PGBD5: variants seen among roughly 807,000 people sequenced by gnomAD.
The protein encoded by PGBD5 is piggyBac transposable element-derived protein 5.
In PGBD5, 14 loss-of-function variants were observed where a neutral mutation model predicts 47.9. The observed-to-expected ratio is 0.29, with a 90% confidence interval of 0.19 to 0.46. The LOEUF is 0.46. Ranked by LOEUF, PGBD5 falls within the 20% of genes least tolerant of loss-of-function variation. PGBD5 has a pLI of 1.00. For synonymous variants in PGBD5, 316 were observed against 306.3 expected, an observed-to-expected ratio of 1.03 and a Z score of -0.33; for missense variants, 635 against 716.0, an observed-to-expected ratio of 0.89 and a Z score of 1.29.
intron 6 of PGBD5, among the ~76,000 whole-genome samples, chr1:230,324,277 C>T (rs1307253736): frequency 6.6e-6 from 1 of 152,194 alleles, no homozygotes; most frequent in Non-Finnish European, 1.5e-5. Context: ...CTGAAATGCC[C>T]AGCACAGAGC....
intron 3 of PGBD5, among the ~76,000 whole-genome samples, chr1:230,344,713 C>T (rs980336598): frequency 3.3e-5 from 5 of 152,138 alleles, no homozygotes; most frequent in African/African-American, 4.8e-5. Context: ...GTAGGAAGCA[C>T]GGGTTCTTTT....
intron 1 of PGBD5, among the ~76,000 whole-genome samples, chr1:230,360,283 T>G (rs1232835653): frequency 6.6e-6 from 1 of 152,192 alleles, no homozygotes; most frequent in East Asian, 1.9e-4. Flanking sequence ...TGGTTTTGAT[T>G]TACAAGCATT....
chr1:230,420,895 G>A (rs952847503), intron 1 of PGBD5, among the ~76,000 whole-genome samples: 2 of 152,124 alleles, frequency 1.3e-5, no homozygotes, highest in African/African-American at 2.4e-5. Flanking sequence ...AAACAAAGGC[G>A]TGAGCAAGGT....
chr1:230,423,534 A>G (rs1657705666), intron 1 of PGBD5, among the ~76,000 whole-genome samples: 1 of 152,210 alleles, frequency 6.6e-6, no homozygotes, highest in Admixed American at 6.5e-5. Flanking sequence ...AGGCGCAAGG[A>G]TTTTCTCTGA....
At chr1:230,375,362 AG>A (rs1468219791) in intron 1 of PGBD5, among the ~76,000 whole-genome samples, 2 of 152,144 alleles carry the variant, frequency 1.3e-5, no homozygotes, top group Non-Finnish European at 2.9e-5. Flanking sequence ...CCCTGATTAG[AG>A]GGGAGTTTAT....
intron 1 of PGBD5, among the ~76,000 whole-genome samples, chr1:230,420,128 A>AAAAC (rs1447057494): frequency 6.6e-6 from 1 of 152,212 alleles, no homozygotes; most frequent in Admixed American, 6.5e-5. Context: ...CTCCACCTCA[A>AAAAC]AAACAAACAA....
chr1:230,326,594 G>A (rs989795413), intron 5 of PGBD5, among the ~76,000 whole-genome samples: 1 of 152,070 alleles, frequency 6.6e-6, no homozygotes, highest in East Asian at 1.9e-4. Context: ...AAGGAGCTGG[G>A]ATCACAGGTA....
intron 1 of PGBD5, among the ~76,000 whole-genome samples, chr1:230,374,665 G>GA (rs1297805542): frequency 2.0e-5 from 3 of 152,094 alleles, no homozygotes; most frequent in Non-Finnish European, 4.4e-5. Context: ...TTTATGAGTA[G>GA]AAAAAGAACA....
chr1:230,399,750 C>CTCACAAAATGACGCCTA (rs1390890218), intron 1 of PGBD5, among the ~76,000 whole-genome samples: 1 of 152,232 alleles, frequency 6.6e-6, no homozygotes, highest in Non-Finnish European at 1.5e-5. Flanking sequence ...TCAATCCAAA[C>CTCACAAAATGACGCCTA]TCACAAAATG....
Position 230,425,763 on chromosome 1 carries a change from A to C in PGBD5, c.166T>G (p.Ser56Ala). The C allele has an allele frequency of 1.7e-6, 2 of 1,205,924 alleles. No individual in the cohort carries two copies. The highest frequency in any genetic ancestry group is 2.1e-6 in the Non-Finnish European group (2 of 970,124). The allele number at this position is 1,205,924 out of a possible 1,614,324, so 74.7% of individuals were successfully genotyped here. ...YSTSAASRSS[S>A]AASSDDEREP... Reference sequence around the variant, plus strand: ...CGCTCGTCGTCCGAGGAGGCGGCCGAGGAGGAGCGCGAGGCGGCCGAGGTG... The same window carrying C: ...CGCTCGTCGTCCGAGGAGGCGGCCGCGGAGGAGCGCGAGGCGGCCGAGGTG... Residue 56 changes from serine to alanine, a missense_variant, in exon 1 of 7, where the codon TCG (serine) becomes GCG (alanine). Transcript: ENST00000391860. This position sits in a 1 kb window ranked among gnomAD's most constrained non-coding sequence, Gnocchi z 4.7.
At chr1:230,409,823 C>T (rs1451367016) in intron 1 of PGBD5, among the ~76,000 whole-genome samples, 1 of 150,898 alleles carries the variant, frequency 6.6e-6, no homozygotes, top group African/African-American at 2.4e-5. Flanking sequence ...AAGTGAAGAA[C>T]TTCCATATTA....
At chr1:230,410,044 C>G (rs1220783813) in intron 1 of PGBD5, among the ~76,000 whole-genome samples, 2 of 151,952 alleles carry the variant, frequency 1.3e-5, no homozygotes, top group Non-Finnish European at 2.9e-5. Flanking sequence ...AGAGACATAC[C>G]TAAAAGGACA....
Position 230,425,125 on chromosome 1 carries a change from C to A in PGBD5, c.331+473G>T, listed in dbSNP as rs951867101. ...CGCGGGTGGCCTCTCTCTCAACTCTCACTGGGCCAACTCCTACCTGCCTCG... is the reference window on the plus strand; with the variant it reads ...CGCGGGTGGCCTCTCTCTCAACTCTAACTGGGCCAACTCCTACCTGCCTCG... On this transcript the variant is annotated intron_variant, in intron 1 of 6. Coordinates refer to ENST00000391860, the MANE Select transcript of PGBD5 (RefSeq NM_001258311.2). The surrounding 1 kb of genome is among the most constrained non-coding windows in gnomAD (Gnocchi z 4.7). 1.3e-5 allele frequency among the ~76,000 whole-genome samples: 2 copies of A among 152,168 alleles called. No homozygotes were observed. Among genetic ancestry groups the A allele is most frequent in the African/African-American group, 2.4e-5 (1 of 41,434 alleles).
chr1:230,320,106 C>T lies in PGBD5; in HGVS notation c.*3319G>A, dbSNP rs2102807240. On this transcript the variant is annotated 3_prime_UTR_variant, in exon 7 of 7. Transcript: ENST00000391860. ...TCAATCTCCTGGCCTTGTGATCCGCCTGCCTCGGCCTCCCAAAGTGCTGGG... is the reference window on the plus strand; with the variant it reads ...TCAATCTCCTGGCCTTGTGATCCGCTTGCCTCGGCCTCCCAAAGTGCTGGG... 6.6e-6 allele frequency: 1 copy of T among 152,278 alleles called. No individual in the cohort carries two copies. Among genetic ancestry groups the T allele is most frequent in the Middle Eastern group, 3.4e-3 (1 of 294 alleles). 9.4% of individuals were successfully genotyped at this position (152,278 alleles called of 1,614,324 possible). A position where few individuals can be genotyped will look rare whatever the true frequency, so the allele number is the denominator to read the frequency against.
rs141148395 is a variant in PGBD5 at position 230,392,727 on chromosome 1, G to A, written c.331+32871C>T. ...GCTCTCACCCAAGGAAATCCCCCGT[G>A]CGGCCCTGAGGTCCACCTCACAATG... On this transcript the variant is annotated intron_variant, in intron 1 of 6. Coordinates refer to ENST00000391860, the MANE Select transcript of PGBD5 (RefSeq NM_001258311.2). 4.0e-3 allele frequency among the ~76,000 whole-genome samples: 607 copies of A among 152,264 alleles called. 4 individuals carry two copies. The highest frequency in any genetic ancestry group is 0.01 in the Middle Eastern group (3 of 294).
At chr1:230,396,255 C>A (rs796445245) in intron 1 of PGBD5, among the ~76,000 whole-genome samples, 1 of 9,572 alleles carries the variant, frequency 1.0e-4, no homozygotes, top group Non-Finnish European at 1.8e-4. Context: ...CCTTTTACCC[C>A]CACACTCCTC....
At chr1:230,399,066 T>TTTA (rs1657073056) in intron 1 of PGBD5, among the ~76,000 whole-genome samples, 1 of 145,892 alleles carries the variant, frequency 6.9e-6, no homozygotes, top group East Asian at 2.0e-4. Flanking sequence ...TAAGGGGGGG[T>TTTA]GGCTAAGTGT....
rs1188464867 is a variant in PGBD5, at chr1:230,322,756, C to T, written c.*669G>A. 1 of 152,784 alleles carries T rather than the reference C, an allele frequency of 6.5e-6. No individual in the cohort carries two copies. The highest frequency in any genetic ancestry group is 1.9e-4 in the East Asian group (1 of 5,194). The allele number at this position is 152,784 out of a possible 1,614,324, so 9.5% of individuals were successfully genotyped here. On this transcript the variant is annotated 3_prime_UTR_variant, in exon 7 of 7. Coordinates refer to ENST00000391860, the MANE Select transcript of PGBD5 (RefSeq NM_001258311.2). The surrounding 1 kb of genome is among the most constrained non-coding windows in gnomAD (Gnocchi z 5.9). ...TATATTTAAAAATAAAAAATAGCATCATCCTTCACTCCAAGTTTTTGGCAT... is the reference window on the plus strand; with the variant it reads ...TATATTTAAAAATAAAAAATAGCATTATCCTTCACTCCAAGTTTTTGGCAT...
intron 1 of PGBD5, among the ~76,000 whole-genome samples, chr1:230,410,905 C>A (rs1416368093): frequency 6.6e-6 from 1 of 152,020 alleles, no homozygotes; most frequent in Admixed American, 6.5e-5. Context: ...CCCTCAAATG[C>A]CCAATTAAGC....
Sources: allele counts gnomAD v4.1 joint callset (sites outside exome capture counted in the v4.1 genomes callset), GRCh38; gene constraint gnomAD v4.1.1; non-coding constraint Gnocchi (gnomAD v3.1); transcripts MANE v1.5; gene names NCBI Gene and HGNC (gene_info 2026-07-23, HGNC 2026-07-21).